The following C2CD3 variants were observed in gnomAD, a reference collection of about 807,000 sequenced individuals.
The protein encoded by C2CD3 is C2 domain-containing protein 3.
A neutral mutation model predicts 234.0 loss-of-function variants in C2CD3; 148 were observed. That is an observed-to-expected ratio of 0.63 (90% CI 0.55 to 0.72). C2CD3 has a LOEUF of 0.72. Among genes scored for constraint, C2CD3 ranks in the 30% least tolerant of loss-of-function variants. C2CD3 has a pLI of 0.00. For synonymous variants in C2CD3, 1,000 were observed against 1,035.4 expected (o/e 0.97, Z 0.66); for missense variants, 2,577 against 2,811.5 (o/e 0.92, Z 1.89).
intron 30 of C2CD3, among the ~76,000 whole-genome samples, chr11:74,036,896 C>T (rs760735727): frequency 6.6e-6 from 1 of 152,186 alleles, no homozygotes; most frequent in African/African-American, 2.4e-5. Context: ...TGTTGACCTA[C>T]AGTACAGCCT....
intron 26 of C2CD3, among the ~76,000 whole-genome samples, 200 bp downstream of exon 26, chr11:74,054,404 AAAT>A (rs1014856242): frequency 1.3e-5 from 2 of 151,910 alleles, no homozygotes; most frequent in African/African-American, 4.8e-5. Context: ...TCAAAAAAAA[AAAT>A]TTTTTTTTTC....
chr11:74,122,766 T>C (rs1436802849), intron 8 of C2CD3, among the ~76,000 whole-genome samples: 1 of 152,238 alleles, frequency 6.6e-6, no homozygotes, highest in Non-Finnish European at 1.5e-5. Context: ...ATTTGAATTC[T>C]GGCTCTAATA....
At chr11:74,074,623 A>G in intron 23 of C2CD3, 23 bp from the exon 24 acceptor site, 1 of 1,567,442 alleles carries the variant, frequency 6.4e-7, no homozygotes, top group East Asian at 2.3e-5. Context: ...GGAGAAGAAT[A>G]AGGCTAGTCA....
At chr11:74,096,502 A>T (rs762314782) in intron 16 of C2CD3, among the ~76,000 whole-genome samples, 5 of 152,148 alleles carry the variant, frequency 3.3e-5, no homozygotes, top group Non-Finnish European at 4.4e-5. Flanking sequence ...AAAATCTCTC[A>T]GAGTCACAAC....
chr11:74,087,626 T>C (rs1955700028), intron 20 of C2CD3, among the ~76,000 whole-genome samples: 1 of 151,846 alleles, frequency 6.6e-6, no homozygotes, highest in Non-Finnish European at 1.5e-5. Context: ...TTAGATAATA[T>C]ATACAAAAGA....
chr11:74,057,645 G>A (rs1159357480), intron 24 of C2CD3, 101 bp from the exon 25 acceptor site: 3 of 1,232,302 alleles, frequency 2.4e-6, no homozygotes, highest in Admixed American at 3.8e-5. Flanking sequence ...TTCTTCCTAT[G>A]GGGTCTTTGC....
At chr11:74,138,076 G>A (rs1409283676) in intron 5 of C2CD3, among the ~76,000 whole-genome samples, 1 of 152,196 alleles carries the variant, frequency 6.6e-6, no homozygotes, top group Non-Finnish European at 1.5e-5. Context: ...ACAAATTCCT[G>A]TTATGATCTT....
chr11:74,162,619 G>T (rs188625315), intron 2 of C2CD3, among the ~76,000 whole-genome samples: 8 of 152,094 alleles, frequency 5.3e-5, no homozygotes, highest in Admixed American at 2.0e-4. Context: ...ATGAACCCAA[G>T]ATCAAAAGAA....
chr11:74,035,668 G>GGCATAATGGA (rs1375191202), intron 30 of C2CD3, among the ~76,000 whole-genome samples: 1 of 151,538 alleles, frequency 6.6e-6, no homozygotes, highest in Non-Finnish European at 1.5e-5. Flanking sequence ...AGCATACTGA[G>GGCATAATGGA]GCATAATGGA....
chr11:74,054,097 C>G (rs1953834935), intron 26 of C2CD3, among the ~76,000 whole-genome samples: 1 of 151,692 alleles, frequency 6.6e-6, no homozygotes. Context: ...ACGCTGAAAC[C>G]CTCTCTCTAC....
intron 32 of C2CD3, among the ~76,000 whole-genome samples, chr11:74,020,037 C>T (rs1417162210): frequency 1.3e-5 from 2 of 152,180 alleles, no homozygotes; most frequent in African/African-American, 2.4e-5. Flanking sequence ...CTGGCCTTGT[C>T]TCATACTTTC....
intron 2 of C2CD3, among the ~76,000 whole-genome samples, chr11:74,163,982 A>G (rs1465223469): frequency 6.6e-6 from 1 of 152,226 alleles, no homozygotes; most frequent in African/African-American, 2.4e-5. Flanking sequence ...TGGGGATAAA[A>G]GAGGCTCCGC....
chr11:74,057,959 T>C (rs1449298132), intron 24 of C2CD3, among the ~76,000 whole-genome samples: 5 of 152,074 alleles, frequency 3.3e-5, no homozygotes, highest in Non-Finnish European at 5.9e-5. Context: ...ACCGTGTCAA[T>C]CAATCAATCA....
At chr11:74,027,396 C>A (rs1952345544) in intron 32 of C2CD3, among the ~76,000 whole-genome samples, 1 of 152,204 alleles carries the variant, frequency 6.6e-6, no homozygotes, top group Admixed American at 6.5e-5. Context: ...GTATGAGCCA[C>A]CATGCCTGGC....
At chr11:74,108,927 G>C in intron 12 of C2CD3, 107 bp downstream of exon 12, 1 of 634,754 alleles carries the variant, frequency 1.6e-6, no homozygotes, top group East Asian at 3.1e-5. Flanking sequence ...TGGATTATTA[G>C]TACTGCCTGC....
intron 7 of C2CD3, among the ~76,000 whole-genome samples, chr11:74,125,106 G>A (rs2135526394): frequency 6.6e-6 from 1 of 152,274 alleles, no homozygotes. Context: ...TGACTCCTCA[G>A]AGGTGATCAC....
intron 32 of C2CD3, 84 bp downstream of exon 32, chr11:74,028,203 C>T (rs963882024): frequency 1.0e-6 from 1 of 971,692 alleles, no homozygotes; most frequent in African/African-American, 1.6e-5. Context: ...GGAAGATGAC[C>T]TGGGGCAGCT....
In C2CD3 at chr11:74,119,757, T is replaced by G. The variant is rs554438103; in HGVS notation, c.1366-1375A>C. On this transcript the variant is annotated intron_variant, in intron 8 of 32. Transcript: ENST00000334126. ...TTCCAGTGATTCTCATGCCTCAGTC[T>G]CCCAAGTAGCTGGGACTAAAGGAAT... Among the ~76,000 whole-genome samples the G allele has an allele frequency of 1.3e-4, 19 of 151,874 alleles. No individual in the cohort carries two copies. The South Asian group carries it at 4.0e-3, about 32-fold the overall frequency.
intron 24 of C2CD3, among the ~76,000 whole-genome samples, chr11:74,073,040 G>T (rs1286953581): frequency 6.6e-6 from 1 of 152,176 alleles, no homozygotes; most frequent in Non-Finnish European, 1.5e-5. Context: ...AGAGAAGGGT[G>T]ACGGCAAAGG....
Sources: gnomAD v4.1 joint callset for allele counts (sites outside exome capture counted in the v4.1 genomes callset) on GRCh38, gnomAD v4.1.1 for gene constraint, MANE v1.5 for transcripts, NCBI Gene and HGNC (gene_info 2026-07-23, HGNC 2026-07-21) for gene names.